SEMA3E: variants seen among roughly 807,000 people sequenced by gnomAD.
SEMA3E encodes the protein semaphorin 3E.
SEMA3E carries 49 observed loss-of-function variants against 93.6 expected under a neutral mutation model. The ratio of observed to expected loss-of-function variants is 0.52; its 90% CI spans 0.42 to 0.66. SEMA3E has a LOEUF of 0.66. Ranked by LOEUF, SEMA3E falls within the 30% of genes least tolerant of loss-of-function variation. The pLI is 0.00. For synonymous variants in SEMA3E, 363 were observed against 330.7 expected (o/e 1.10, Z -1.06); for missense variants, 906 against 964.8 (o/e 0.94, Z 0.81).
At chr7:83,635,420 C>T (rs913962835) in intron 1 of SEMA3E, among the ~76,000 whole-genome samples, 2 of 151,112 alleles carry the variant, frequency 1.3e-5, no homozygotes, top group African/African-American at 4.9e-5. Context: ...CAGTGCTTCC[C>T]ATTTCTATTT....
intron 16 of SEMA3E, among the ~76,000 whole-genome samples, chr7:83,383,263 GA>G (rs1787813833): frequency 6.7e-6 from 1 of 148,358 alleles, no homozygotes; most frequent in Admixed American, 6.8e-5. Context: ...ATAAGAAAGT[GA>G]TTTCTTATCA....
intron 1 of SEMA3E, among the ~76,000 whole-genome samples, chr7:83,491,448 A>C (rs898248515): frequency 1.3e-5 from 2 of 151,940 alleles, no homozygotes; most frequent in Non-Finnish European, 2.9e-5. Context: ...TTGATGCCCA[A>C]AACTTTGTGG....
Position 83,366,455 on chromosome 7 carries a change from A to C in SEMA3E, c.*1131T>G, listed in dbSNP as rs1794669681. On this transcript the variant is annotated 3_prime_UTR_variant, in exon 17 of 17. Transcript: ENST00000643230. Reference sequence around the variant, plus strand: ...TTCTGTCTCTTAATATAAAAGAGAGAAGAAAATTTGATATTTGAGAGCAAA... The same window carrying C: ...TTCTGTCTCTTAATATAAAAGAGAGCAGAAAATTTGATATTTGAGAGCAAA... 6.7e-6 allele frequency: 1 copy of C among 149,608 alleles called. No homozygotes were observed. Among genetic ancestry groups the C allele is most frequent in the Non-Finnish European group, 1.5e-5 (1 of 67,038 alleles). 9.3% of individuals were successfully genotyped at this position (149,608 alleles called of 1,614,324 possible). A position where few individuals can be genotyped will look rare whatever the true frequency, so the allele number is the denominator to read the frequency against.
intron 1 of SEMA3E, among the ~76,000 whole-genome samples, chr7:83,562,524 T>C (rs932760900): frequency 2.6e-5 from 4 of 151,064 alleles, no homozygotes; most frequent in African/African-American, 7.3e-5. Context: ...GTATGTGTGA[T>C]GGAACCACTA....
At chr7:83,529,937 T>C (rs2535366) in intron 1 of SEMA3E, among the ~76,000 whole-genome samples, 7,284 of 152,194 alleles carry the variant, frequency 0.048, 342 homozygotes, top group African/African-American at 0.13. Flanking sequence ...TTAATATTTA[T>C]TTATAATCTA....
intron 1 of SEMA3E, among the ~76,000 whole-genome samples, chr7:83,534,892 A>C (rs965975580): frequency 6.6e-6 from 1 of 152,176 alleles, no homozygotes; most frequent in African/African-American, 2.4e-5. Context: ...TGAGGATCTA[A>C]ATCATGAATG....
At position 83,529,950 on chromosome 7, in the gene SEMA3E, A is replaced by C. The variant is rs371837805; in HGVS notation, c.116-39676T>G. On this transcript the variant is annotated intron_variant, in intron 1 of 16. Coordinates refer to ENST00000643230, the MANE Select transcript of SEMA3E (RefSeq NM_012431.3). Reference sequence around the variant, plus strand: ...ACTTAATATTTATTTATAATCTAAAAATTATTACATAAATTATTAAATATA... The same window carrying C: ...ACTTAATATTTATTTATAATCTAAACATTATTACATAAATTATTAAATATA... Among the ~76,000 whole-genome samples, 9 of 152,204 alleles carry C rather than the reference A, an allele frequency of 5.9e-5. No individual in the cohort carries two copies. The East Asian group carries it at 1.2e-3, about 20-fold the overall frequency.
intron 14 of SEMA3E, among the ~76,000 whole-genome samples, chr7:83,392,334 C>A (rs1788034756): frequency 6.6e-6 from 1 of 151,964 alleles, no homozygotes; most frequent in Admixed American, 6.6e-5. Context: ...TTAACTTTAT[C>A]TGAACTCGTT....
At position 83,556,924 on chromosome 7, in the gene SEMA3E, C is replaced by T. The variant is rs559279392; in HGVS notation, c.116-66650G>A. On this transcript the variant is annotated intron_variant, in intron 1 of 16. Coordinates refer to ENST00000643230, the MANE Select transcript of SEMA3E (RefSeq NM_012431.3). The stretch of plus-strand genomic sequence containing the variant: ...CTTGGACTTGTGAGGACACAGTGTT[C>T]AAGGCACCATCTCAGAAGCAAAGAC... 5.9e-5 allele frequency among the ~76,000 whole-genome samples: 9 copies of T among 152,206 alleles called. No homozygotes were observed. The East Asian group carries it at 1.7e-3, about 30-fold the overall frequency.
At chr7:83,382,918 A>G (rs1338891995) in intron 16 of SEMA3E, among the ~76,000 whole-genome samples, 1 of 152,000 alleles carries the variant, frequency 6.6e-6, no homozygotes, top group Non-Finnish European at 1.5e-5. Flanking sequence ...CTAAAGATTA[A>G]TTCAGTTTCT....
chr7:83,554,428 G>T (rs549453620), intron 1 of SEMA3E, among the ~76,000 whole-genome samples: 5 of 152,216 alleles, frequency 3.3e-5, no homozygotes, highest in African/African-American at 1.2e-4. Context: ...AAAGATACGT[G>T]CACGCAATAC....
intron 1 of SEMA3E, among the ~76,000 whole-genome samples, chr7:83,596,939 C>T (rs3801563): frequency 0.11 from 16,307 of 152,180 alleles, 947 homozygotes; most frequent in East Asian, 0.19. Flanking sequence ...AGTTCCTCTT[C>T]CATCAGTCAT....
intron 1 of SEMA3E, among the ~76,000 whole-genome samples, chr7:83,580,265 C>A (rs1194589315): frequency 3.3e-5 from 5 of 151,876 alleles, no homozygotes. Flanking sequence ...TTATTAATTT[C>A]TCTCAAATTT....
intron 1 of SEMA3E, among the ~76,000 whole-genome samples, chr7:83,575,496 G>A (rs1160377226): frequency 6.6e-6 from 1 of 152,066 alleles, no homozygotes; most frequent in African/African-American, 2.4e-5. Context: ...ATTTATTAAA[G>A]TCATTTTAAT....
At chr7:83,555,317 G>A (rs770782519) in intron 1 of SEMA3E, among the ~76,000 whole-genome samples, 10 of 152,074 alleles carry the variant, frequency 6.6e-5, no homozygotes, top group African/African-American at 1.7e-4. Flanking sequence ...CACTTGTGCC[G>A]CTAAATCTAT....
chr7:83,488,713 T>C (rs1000523995), intron 2 of SEMA3E, among the ~76,000 whole-genome samples: 2 of 152,064 alleles, frequency 1.3e-5, no homozygotes, highest in African/African-American at 2.4e-5. Context: ...TGAAGTTCTA[T>C]ATAAGTCAGG....
chr7:83,384,154 C>T (rs546789854), intron 16 of SEMA3E, among the ~76,000 whole-genome samples: 36 of 151,956 alleles, frequency 2.4e-4, no homozygotes, highest in Non-Finnish European at 4.3e-4. Context: ...ATTTAATTAT[C>T]TCCCAGAATG....
intron 1 of SEMA3E, among the ~76,000 whole-genome samples, chr7:83,557,864 G>A (rs935377292): frequency 6.6e-6 from 1 of 152,168 alleles, no homozygotes; most frequent in Non-Finnish European, 1.5e-5. Context: ...TTATTCCTAG[G>A]TATAGGACAT....
At chr7:83,435,590 C>T (rs1198162735) in intron 4 of SEMA3E, among the ~76,000 whole-genome samples, 5 of 151,072 alleles carry the variant, frequency 3.3e-5, no homozygotes, top group South Asian at 2.1e-4. Context: ...AGCGAACCTC[C>T]GTCCAAAAAA....
Sources: gnomAD v4.1 joint callset for allele counts (sites outside exome capture counted in the v4.1 genomes callset) on GRCh38, gnomAD v4.1.1 for gene constraint, MANE v1.5 for transcripts, NCBI Gene and HGNC (gene_info 2026-07-23, HGNC 2026-07-21) for gene names.